CACNA1B: variants seen among roughly 807,000 people sequenced by gnomAD.
The protein encoded by CACNA1B is voltage-dependent N-type calcium channel subunit alpha-1B.
A neutral mutation model predicts 247.2 loss-of-function variants in CACNA1B; 70 were observed. That is an observed-to-expected ratio of 0.28 (90% confidence interval 0.23 to 0.35). The LOEUF (loss-of-function observed/expected upper bound fraction) is 0.35, where lower values mean the gene tolerates loss of function less well. Among genes scored for constraint, CACNA1B ranks in the 10% least tolerant of loss-of-function variants. The pLI is 1.00. For synonymous variants in CACNA1B, 1,231 were observed against 1,294.4 expected (o/e 0.95, Z 1.05); for missense variants, 2,367 against 3,197.4 (o/e 0.74, Z 6.26).
At chr9:138,114,321 G>GT in intron 40 of CACNA1B, 57 bp from the exon 41 acceptor site, 1 of 871,592 alleles carries the variant, frequency 1.1e-6, no homozygotes, top group African/African-American at 1.6e-5. Context: ...TCCATACCTT[G>GT]TTTCCGTGGA....
chr9:138,036,360 C>T (rs545524580), intron 20 of CACNA1B, among the ~76,000 whole-genome samples: 18 of 152,292 alleles, frequency 1.2e-4, no homozygotes, highest in Admixed American at 7.8e-4. Context: ...AAGATGGTCT[C>T]GATCTCCTGA....
At chr9:138,045,194 C>G (rs1333001747) in intron 21 of CACNA1B, among the ~76,000 whole-genome samples, 1 of 152,154 alleles carries the variant, frequency 6.6e-6, no homozygotes, top group Non-Finnish European at 1.5e-5. Context: ...AGAACTGGGT[C>G]AGAACACAAA....
intron 37 of CACNA1B, among the ~76,000 whole-genome samples, chr9:138,098,683 T>C (rs948361738): frequency 3.3e-5 from 5 of 152,126 alleles, no homozygotes; most frequent in Non-Finnish European, 7.3e-5. Context: ...AGCCAGAGTC[T>C]CAGAGCAGGG....
chr9:137,947,301 G>C (rs528262864), intron 6 of CACNA1B, among the ~76,000 whole-genome samples: 8 of 152,166 alleles, frequency 5.3e-5, no homozygotes, highest in Non-Finnish European at 7.3e-5. Flanking sequence ...ACAGTGGAAG[G>C]GGGGTGGGCC....
chr9:137,902,057 T>C (rs1957246543), intron 3 of CACNA1B, among the ~76,000 whole-genome samples: 1 of 152,236 alleles, frequency 6.6e-6, no homozygotes, highest in Non-Finnish European at 1.5e-5. Flanking sequence ...TCCAGTGTTT[T>C]ATATCCAGCT....
At chr9:137,939,846 A>ATAAC (rs1469856818) in intron 6 of CACNA1B, among the ~76,000 whole-genome samples, 1 of 84,472 alleles carries the variant, frequency 1.2e-5, no homozygotes, top group African/African-American at 8.2e-5. Context: ...AAATAAATAA[A>ATAAC]TAAAAAAAAA....
At position 138,023,787 on chromosome 9, in the gene CACNA1B, A is replaced by G. The variant is rs1415231278; in HGVS notation, c.3044A>G (p.Lys1015Arg). Residue 1015 changes from lysine to arginine, a missense_variant, in exon 19 of 47, where the codon AAG becomes AGG. Physicochemically the swap from Lys to Arg is conservative, Grantham distance 26. Coordinates refer to ENST00000371372, the MANE Select transcript of CACNA1B (RefSeq NM_000718.4). ...GAGATAGTGGAAGCCGACAAGGAAA[A>G]GGAGCTCCGGAACCACCAGCCCCGG... The part of the protein sequence containing the change: ...EAEIVEADKE[K>R]ELRNHQPREP... The G allele has an allele frequency of 5.4e-6, 8 of 1,474,120 alleles. No homozygotes were observed. The highest frequency in any genetic ancestry group is 7.4e-6 in the Non-Finnish European group (8 of 1,078,636). 91.3% of individuals were successfully genotyped at this position (1,474,120 alleles called of 1,614,324 possible). A position where few individuals can be genotyped will look rare whatever the true frequency, so the allele number is the denominator to read the frequency against.
rs546586605 is a variant in CACNA1B, at chr9:138,099,920, T to C, written c.5223-2791T>C. 2.6e-5 allele frequency among the ~76,000 whole-genome samples: 4 copies of C among 152,376 alleles called. No homozygotes were observed. The East Asian group carries it at 7.7e-4, about 29-fold the overall frequency. Reference sequence around the variant, plus strand: ...CTGCTCATTTCTGTGTCCACCCATCTGTCTAATAACATCTCCTGGGCATCT... The same window carrying C: ...CTGCTCATTTCTGTGTCCACCCATCCGTCTAATAACATCTCCTGGGCATCT... On this transcript the variant is annotated intron_variant, in intron 37 of 46. Coordinates refer to ENST00000371372, the MANE Select transcript of CACNA1B (RefSeq NM_000718.4).
intron 20 of CACNA1B, among the ~76,000 whole-genome samples, chr9:138,035,104 T>C (rs1426740065): frequency 5.9e-5 from 9 of 152,242 alleles, no homozygotes; most frequent in Non-Finnish European, 1.3e-4. Flanking sequence ...AATGCCTGTG[T>C]CATTCACCTC....
chr9:137,976,821 G>C (rs920268066), intron 12 of CACNA1B, among the ~76,000 whole-genome samples: 2 of 104,594 alleles, frequency 1.9e-5, no homozygotes. Context: ...AAGCCTTGGA[G>C]GCAGTGTGTT....
At chr9:138,084,234 G>A (rs757443639) in intron 36 of CACNA1B, among the ~76,000 whole-genome samples, 1 of 151,190 alleles carries the variant, frequency 6.6e-6, no homozygotes, top group Non-Finnish European at 1.5e-5. Flanking sequence ...GAGATTCTAA[G>A]TATAGGACAC....
intron 38 of CACNA1B, among the ~76,000 whole-genome samples, chr9:138,105,158 G>A (rs1338711891): frequency 6.6e-6 from 1 of 152,234 alleles, no homozygotes; most frequent in African/African-American, 2.4e-5. Context: ...ATGCTGGGTG[G>A]TGAGAGGCAG....
intron 35 of CACNA1B, 84 bp from the exon 36 acceptor site, chr9:138,078,030 G>A: frequency 1.6e-6 from 2 of 1,257,016 alleles, no homozygotes; most frequent in Non-Finnish European, 1.1e-6. Context: ...GGAGCCCAAA[G>A]GAGTGGGCAC....
intron 10 of CACNA1B, among the ~76,000 whole-genome samples, chr9:137,967,694 G>GTCTCTC (rs60187913): frequency 2.0e-5 from 3 of 152,092 alleles, no homozygotes; most frequent in African/African-American, 7.2e-5. Context: ...CACTGCAAGT[G>GTCTCTC]TCTCTCTCTC....
At chr9:137,925,947 G>T (rs1957545033) in intron 6 of CACNA1B, among the ~76,000 whole-genome samples, 1 of 147,374 alleles carries the variant, frequency 6.8e-6, no homozygotes. Context: ...GTAGAGACGG[G>T]ATTTCGCCAT....
At position 138,122,142 on chromosome 9, in the gene CACNA1B, TC is replaced by T; in HGVS notation, c.*147del. ...TCCTGTGGCCCCTCCCTCCCCCTCC[TC>T]CCCTCTTTTACTCTAGACGACGAAT... is the stretch of plus-strand genomic sequence containing the variant. On this transcript the variant is annotated 3_prime_UTR_variant, in exon 47 of 47. Transcript: ENST00000371372. The T allele has an allele frequency of 3.0e-6, 2 of 675,368 alleles. No homozygotes were observed. 41.8% of individuals were successfully genotyped at this position (675,368 alleles called of 1,614,324 possible). A position where few individuals can be genotyped will look rare whatever the true frequency, so the allele number is the denominator to read the frequency against.
intron 46 of CACNA1B, 57 bp downstream of exon 46, chr9:138,120,938 C>T: frequency 2.0e-6 from 3 of 1,510,922 alleles, no homozygotes; most frequent in African/African-American, 2.8e-5. Context: ...GCCCAGCACC[C>T]CTGTCCCACA....
intron 44 of CACNA1B, among the ~76,000 whole-genome samples, 172 bp downstream of exon 44, chr9:138,118,940 G>A (rs528968151): frequency 1.7e-3 from 254 of 152,214 alleles, no homozygotes; most frequent in Admixed American, 4.3e-3. Context: ...TCCTGTCTGG[G>A]CGCCGACAGA....
At position 137,917,402 on chromosome 9, in the gene CACNA1B, A is replaced by G; in HGVS notation, c.937A>G (p.Met313Val). The change falls in exon 6 of 47, where the codon ATG (methionine) becomes GTG (valine). Residue 313 changes from methionine to valine, a missense_variant. Physicochemically the swap from Met to Val is conservative, Grantham distance 21. Coordinates refer to ENST00000371372, the MANE Select transcript of CACNA1B (RefSeq NM_000718.4). This position sits in a 1 kb window ranked among gnomAD's most constrained non-coding sequence, Gnocchi z 5.5. ...AILTVFQCIT[M>V]EGWTDILYNT... ...CTTGACGGTGTTCCAGTGCATCACC[A>G]TGGAGGGCTGGACTGACATCCTCTA... is the stretch of plus-strand genomic sequence containing the variant. The G allele has an allele frequency of 1.2e-6, 2 of 1,613,920 alleles. No individual in the cohort carries two copies. The highest frequency in any genetic ancestry group is 1.7e-6 in the Non-Finnish European group (2 of 1,179,818).
Sources: gnomAD v4.1 joint callset for allele counts (sites outside exome capture counted in the v4.1 genomes callset) on GRCh38, gnomAD v4.1.1 for gene constraint, Gnocchi (gnomAD v3.1) non-coding constraint, MANE v1.5 for transcripts, NCBI Gene and HGNC (gene_info 2026-07-23, HGNC 2026-07-21) for gene names.